The following ANKRD6 variants were observed in gnomAD, a reference collection of about 807,000 sequenced individuals.
ANKRD6 encodes ankyrin repeat domain-containing protein 6.
Under a neutral mutation model 82.3 loss-of-function variants are expected in ANKRD6, and 56 were observed. That is an observed-to-expected ratio of 0.68 (90% CI 0.55 to 0.85). ANKRD6 has a LOEUF of 0.85. Ranked by LOEUF, ANKRD6 falls within the 40% of genes least tolerant of loss-of-function variation. The pLI is 0.00. For synonymous variants in ANKRD6, 347 were observed against 352.1 expected, an observed-to-expected ratio of 0.99 and a Z score of 0.16; for missense variants, 852 against 907.6, an observed-to-expected ratio of 0.94 and a Z score of 0.79.
In ANKRD6 at chr6:89,624,403, A is replaced by C. The variant is rs1804850662; in HGVS notation, c.1219-136A>C. 4 of 1,193,476 alleles carry C rather than the reference A, an allele frequency of 3.4e-6. No individual in the cohort carries two copies. In the South Asian group the frequency reaches 6.4e-5, roughly 19 times the overall value. 73.9% of individuals were successfully genotyped at this position (1,193,476 alleles called of 1,614,324 possible). On this transcript the variant is annotated intron_variant, in intron 12 of 15. Transcript: ENST00000339746. ...AAAATTTGGCCTATAAGATGTTCCA[A>C]AGTTATGACAAGGATGAGCCTATCT...
intron 1 of ANKRD6, among the ~76,000 whole-genome samples, chr6:89,479,587 T>C (rs1306017527): frequency 1.3e-5 from 2 of 149,728 alleles, no homozygotes; most frequent in Non-Finnish European, 3.0e-5. Context: ...ATTATTTCTT[T>C]TTTTATTTTT....
intron 1 of ANKRD6, among the ~76,000 whole-genome samples, chr6:89,545,754 C>A (rs1031866063): frequency 6.6e-6 from 1 of 152,166 alleles, no homozygotes; most frequent in Non-Finnish European, 1.5e-5. Context: ...ATCATGGCTA[C>A]CATTTACTGA....
At chr6:89,526,978 T>TA (rs1388229646) in intron 1 of ANKRD6, among the ~76,000 whole-genome samples, 1 of 152,188 alleles carries the variant, frequency 6.6e-6, no homozygotes, top group East Asian at 1.9e-4. Flanking sequence ...GCAATCTGCT[T>TA]TATTAAGTCC....
intron 1 of ANKRD6, among the ~76,000 whole-genome samples, chr6:89,435,603 T>G (rs1770542357): frequency 6.6e-6 from 1 of 152,198 alleles, no homozygotes; most frequent in South Asian, 2.1e-4. Flanking sequence ...CTCTGTCTTC[T>G]TCCAAGTTTC....
intron 1 of ANKRD6, among the ~76,000 whole-genome samples, chr6:89,445,955 A>G (rs916908668): frequency 9.9e-5 from 15 of 152,150 alleles, no homozygotes; most frequent in South Asian, 2.1e-4. Flanking sequence ...GGAGAACTTA[A>G]TTAATAAGTG....
At chr6:89,438,735 C>T (rs1035772333) in intron 1 of ANKRD6, among the ~76,000 whole-genome samples, 3 of 152,110 alleles carry the variant, frequency 2.0e-5, no homozygotes, top group Non-Finnish European at 2.9e-5. Context: ...CTCCACCACC[C>T]AGGTTCAAGT....
intron 1 of ANKRD6, among the ~76,000 whole-genome samples, chr6:89,548,903 G>A (rs777876405): frequency 3.3e-5 from 5 of 152,086 alleles, no homozygotes; most frequent in African/African-American, 9.7e-5. Context: ...TCCAAAACTC[G>A]TGTTGAAATT....
chr6:89,571,218 A>G (rs969596927), intron 2 of ANKRD6, among the ~76,000 whole-genome samples: 2 of 150,210 alleles, frequency 1.3e-5, no homozygotes, highest in South Asian at 2.1e-4. Context: ...TGCCTGGCTA[A>G]TTTTTTTTTT....
intron 1 of ANKRD6, among the ~76,000 whole-genome samples, chr6:89,493,371 C>G (rs532865533): frequency 6.6e-6 from 1 of 152,146 alleles, no homozygotes; most frequent in East Asian, 1.9e-4. Flanking sequence ...CTGTGTGTCT[C>G]TGTGTGTCAA....
chr6:89,622,945 AATATG>A (rs1804043547), intron 10 of ANKRD6, among the ~76,000 whole-genome samples: 1 of 142,772 alleles, frequency 7.0e-6, no homozygotes, highest in African/African-American at 2.6e-5. Flanking sequence ...AAGGACCAGA[AATATG>A]ATATTTTTTC....
intron 1 of ANKRD6, among the ~76,000 whole-genome samples, chr6:89,516,332 C>T (rs1781207487): frequency 6.6e-6 from 1 of 152,138 alleles, no homozygotes; most frequent in South Asian, 2.1e-4. Flanking sequence ...CAATCTTCTG[C>T]CCTTCAACTA....
chr6:89,605,431 A>T (rs1273653187), intron 4 of ANKRD6, among the ~76,000 whole-genome samples: 1 of 152,104 alleles, frequency 6.6e-6, no homozygotes, highest in African/African-American at 2.4e-5. Context: ...TTTCCAAATC[A>T]CTGTTTCCTC....
chr6:89,548,507 G>A (rs1192276506), intron 1 of ANKRD6, among the ~76,000 whole-genome samples: 1 of 152,164 alleles, frequency 6.6e-6, no homozygotes, highest in African/African-American at 2.4e-5. Flanking sequence ...TACAAGTTTT[G>A]TGTGGTCATA....
intron 1 of ANKRD6, among the ~76,000 whole-genome samples, chr6:89,435,901 GT>G: frequency 6.6e-6 from 1 of 152,182 alleles, no homozygotes; most frequent in South Asian, 2.1e-4. Flanking sequence ...TATTGTCTTT[GT>G]TTTATTTCTT....
intron 1 of ANKRD6, among the ~76,000 whole-genome samples, chr6:89,545,727 T>C (rs2128017847): frequency 6.6e-6 from 1 of 152,316 alleles, no homozygotes; most frequent in East Asian, 1.9e-4. Context: ...GTTATAACAA[T>C]GATAATAGCA....
chr6:89,477,542 C>T (rs1211687236), intron 1 of ANKRD6, among the ~76,000 whole-genome samples: 4 of 151,422 alleles, frequency 2.6e-5, no homozygotes, highest in Admixed American at 1.3e-4. Flanking sequence ...GAGGCCGAGG[C>T]GGGCGGATCA....
chr6:89,436,745 G>A (rs1432424587), intron 1 of ANKRD6, among the ~76,000 whole-genome samples: 2 of 152,110 alleles, frequency 1.3e-5, no homozygotes, highest in African/African-American at 4.8e-5. Context: ...GTTTTTAAAC[G>A]TTTTTTAAAA....
chr6:89,484,446 T>C (rs1777143227), intron 1 of ANKRD6, among the ~76,000 whole-genome samples: 1 of 152,150 alleles, frequency 6.6e-6, no homozygotes, highest in Non-Finnish European at 1.5e-5. Context: ...AAGAGGAAAA[T>C]CTTGATCTTA....
chr6:89,489,534 A>G (rs1482792483), intron 1 of ANKRD6, among the ~76,000 whole-genome samples: 1 of 152,228 alleles, frequency 6.6e-6, no homozygotes, highest in Non-Finnish European at 1.5e-5. Context: ...TTTCATGATT[A>G]GAAGTTTGGT....
Sources: gnomAD v4.1 joint callset for allele counts (sites outside exome capture counted in the v4.1 genomes callset) on GRCh38, gnomAD v4.1.1 for gene constraint, MANE v1.5 for transcripts, NCBI Gene and HGNC (gene_info 2026-07-23, HGNC 2026-07-21) for gene names.